The following CEP89 variants were observed in gnomAD, a reference collection of about 807,000 sequenced individuals.
CEP89 encodes the protein centrosomal protein 89.
In CEP89, 95 loss-of-function variants were observed where a neutral mutation model predicts 97.6. That is an observed-to-expected ratio of 0.97 (90% CI 0.82 to 1.15). The LOEUF is 1.15. Among genes scored for constraint, CEP89 ranks in the 50% most tolerant of loss-of-function variants. CEP89 has a pLI of 0.00. For missense variants in CEP89, 869 were observed against 947.7 expected (o/e 0.92, Z 1.09); for synonymous variants, 354 against 349.1 (o/e 1.01, Z -0.16).
At chr19:32,885,191 T>C (rs1013897513) in intron 17 of CEP89, among the ~76,000 whole-genome samples, 1 of 152,248 alleles carries the variant, frequency 6.6e-6, no homozygotes, top group Non-Finnish European at 1.5e-5. Context: ...GTATTATTAC[T>C]ACATTGTCAG....
intron 14 of CEP89, among the ~76,000 whole-genome samples, chr19:32,902,010 CTGTGTGTG>C (rs929591410): frequency 3.0e-5 from 4 of 133,730 alleles, no homozygotes; most frequent in East Asian, 2.3e-4. Context: ...CTCTCTCTCT[CTGTGTGTG>C]TGTGTGTGTG....
At chr19:32,879,641 G>A (rs1969237756) in intron 18 of CEP89, among the ~76,000 whole-genome samples, 1 of 152,214 alleles carries the variant, frequency 6.6e-6, no homozygotes, top group African/African-American at 2.4e-5. Context: ...GGACGGCACA[G>A]GCATTTCTCT....
intron 4 of CEP89, among the ~76,000 whole-genome samples, chr19:32,950,529 G>A (rs559357877): frequency 8.5e-5 from 13 of 152,328 alleles, no homozygotes; most frequent in South Asian, 2.1e-4. Context: ...TTGCACTCCA[G>A]CCTGTGCAAT....
intron 15 of CEP89, among the ~76,000 whole-genome samples, chr19:32,900,426 T>G (rs565511871): frequency 7.3e-5 from 11 of 151,666 alleles, no homozygotes; most frequent in Non-Finnish European, 1.6e-4. Context: ...TCTGTATATA[T>G]ACATATATAT....
chr19:32,912,815 G>A (rs1970029361), intron 14 of CEP89, among the ~76,000 whole-genome samples: 1 of 151,964 alleles, frequency 6.6e-6, no homozygotes, highest in African/African-American at 2.4e-5. Context: ...GGCTGAGGCG[G>A]GTGGATCACG....
intron 4 of CEP89, 47 bp from the exon 5 acceptor site, chr19:32,948,415 C>A (rs765522374): frequency 1.7e-6 from 2 of 1,177,194 alleles, no homozygotes; most frequent in Non-Finnish European, 1.2e-6. Flanking sequence ...GAAAGGTAAC[C>A]TTTATATACA....
At chr19:32,964,566 G>T (rs1971241231) in intron 2 of CEP89, among the ~76,000 whole-genome samples, 1 of 152,172 alleles carries the variant, frequency 6.6e-6, no homozygotes, top group Admixed American at 6.5e-5. Context: ...ACAAACTGTG[G>T]CATATTCATA....
chr19:32,961,223 G>C (rs918873699), intron 2 of CEP89, among the ~76,000 whole-genome samples: 3 of 151,928 alleles, frequency 2.0e-5, no homozygotes, highest in Non-Finnish European at 4.4e-5. Flanking sequence ...CTGGGTACTG[G>C]GGAATAATTA....
chr19:32,919,120 C>T (rs1285725186), intron 12 of CEP89, among the ~76,000 whole-genome samples: 1 of 151,974 alleles, frequency 6.6e-6, no homozygotes, highest in African/African-American at 2.4e-5. Flanking sequence ...CTCCTGACCC[C>T]GTGATCTGCC....
rs61581101 is a variant in CEP89, at chr19:32,929,613, A to AG, written c.1029+1815_1029+1816insC. ...GAGAGACTGTGTCTAAAAAAAAAAA[A>AG]AGAGAGAGAGAGATCAATCACTTCT... On this transcript the variant is annotated intron_variant, in intron 9 of 18. Coordinates refer to ENST00000305768, the MANE Select transcript of CEP89 (RefSeq NM_032816.5). Among the ~76,000 whole-genome samples, 1,043 of 151,592 alleles carry AG rather than the reference A, an allele frequency of 6.9e-3. 12 individuals carry two copies. The highest frequency in any genetic ancestry group is 0.024 in the African/African-American group (972 of 41,314).
chr19:32,890,649 C>T (rs1417488705), intron 16 of CEP89, among the ~76,000 whole-genome samples: 3 of 152,186 alleles, frequency 2.0e-5, no homozygotes, highest in Admixed American at 6.5e-5. Context: ...GGAGAGGCTC[C>T]CCTGTGTCGG....
At chr19:32,917,063 T>C (rs1327702365) in intron 13 of CEP89, among the ~76,000 whole-genome samples, 1 of 152,056 alleles carries the variant, frequency 6.6e-6, no homozygotes, top group African/African-American at 2.4e-5. Flanking sequence ...TTCTGGGCAA[T>C]GGGAAAATAG....
At chr19:32,913,310 TTTGTTGTTG>T (rs376031677) in intron 14 of CEP89, among the ~76,000 whole-genome samples, 5 of 45,614 alleles carry the variant, frequency 1.1e-4, no homozygotes, top group African/African-American at 1.6e-4. Flanking sequence ...TATATATTTT[TTTGTTGTTG>T]TTGTTGTTGT....
intron 4 of CEP89, among the ~76,000 whole-genome samples, chr19:32,948,896 T>A (rs1258225234): frequency 6.6e-6 from 1 of 152,290 alleles, no homozygotes; most frequent in East Asian, 1.9e-4. Flanking sequence ...AGGTAATTTT[T>A]TTTTTATTTT....
chr19:32,963,633 G>A (rs975033135), intron 2 of CEP89: 1 of 152,152 alleles, frequency 6.6e-6, no homozygotes, highest in African/African-American at 2.4e-5. Flanking sequence ...CATACACAAA[G>A]AGATCTGGAA....
Position 32,926,251 on chromosome 19 carries a change from G to A in CEP89, c.1103C>T (p.Pro368Leu). The A allele has an allele frequency of 6.2e-7, 1 of 1,612,758 alleles. No homozygotes were observed. Among genetic ancestry groups the A allele is most frequent in the South Asian group, 1.1e-5 (1 of 91,048 alleles). ...CATATCTTCATAAGCCAGCAACAAT[G>A]GTGACAGGTACTTTATATCCAACTG... is the stretch of plus-strand genomic sequence containing the variant. ...PWLLDIKYLS[P>L]LLLAYEDMMK... Residue 368 changes from proline (P) to leucine (L), a missense_variant, in exon 11 of 19, where the codon CCA (proline) becomes CTA (leucine). By Grantham distance (98) the Pro-to-Leu change is moderately conservative (BLOSUM62 -3). Transcript: ENST00000305768.
intron 11 of CEP89, among the ~76,000 whole-genome samples, 155 bp downstream of exon 11, chr19:32,926,035 T>G (rs886249085): frequency 4.6e-5 from 7 of 152,106 alleles, no homozygotes; most frequent in Admixed American, 3.3e-4. Context: ...CCTCCCACCC[T>G]GCCACACTCC....
intron 7 of CEP89, chr19:32,937,126 A>G (rs1365626979): frequency 6.5e-6 from 1 of 154,672 alleles, no homozygotes; most frequent in East Asian, 1.9e-4. Context: ...GGGACCTAAC[A>G]GCAAAAATTA....
At chr19:32,926,890 A>G (rs755281309) in intron 10 of CEP89, 44 bp downstream of exon 10, 2 of 1,570,250 alleles carry the variant, frequency 1.3e-6, no homozygotes. Context: ...CTATGCAAAT[A>G]TACCCTGAAA....
Sources: allele counts gnomAD v4.1 joint callset (sites outside exome capture counted in the v4.1 genomes callset), GRCh38; gene constraint gnomAD v4.1.1; transcripts MANE v1.5; gene names NCBI Gene and HGNC (gene_info 2026-07-23, HGNC 2026-07-21).